Variants in FHL1 observed in about 807,000 individuals in gnomAD.
The protein encoded by FHL1 is four and a half LIM domains protein 1.
A neutral mutation model predicts 20.3 loss-of-function variants in FHL1; 1 was observed. That is an observed-to-expected ratio of 0.05 (90% CI 0.02 to 0.23). FHL1 has a LOEUF of 0.23. FHL1 is among the 10% of genes least tolerant of loss of function. The pLI is 1.00. For synonymous variants in FHL1, 82 were observed against 88.9 expected, an observed-to-expected ratio of 0.92 and a Z score of 0.44; for missense variants, 177 against 234.0, an observed-to-expected ratio of 0.76 and a Z score of 1.59.
upstream of FHL1, among the ~76,000 whole-genome samples, chrX:136,194,387 A>C (rs1300715151): frequency 8.9e-6 from 1 of 112,131 alleles, no homozygotes. Context: ...ACCCAATAAT[A>C]GGTCATAATG....
chrX:136,163,996 G>A (rs1178300346), intron 1 of FHL1, among the ~76,000 whole-genome samples: 1 of 111,859 alleles, frequency 8.9e-6, no homozygotes, highest in Non-Finnish European at 1.9e-5. Flanking sequence ...GGGAGCTGCT[G>A]TAATAGTCAT....
At chrX:136,188,006 C>T (rs955797569) in intron 2 of FHL1, among the ~76,000 whole-genome samples, 1 of 111,691 alleles carries the variant, frequency 9.0e-6, no homozygotes, top group Non-Finnish European at 1.9e-5. Flanking sequence ...CATAGCAAAA[C>T]AACTTGAAGT....
intron 1 of FHL1, among the ~76,000 whole-genome samples, chrX:136,198,316 C>T (rs2073613271): frequency 9.0e-6 from 1 of 111,659 alleles, no homozygotes; most frequent in Admixed American, 9.5e-5. Context: ...GAATAACTCT[C>T]ATTTTGTTTA....
At chrX:136,163,609 G>A (rs899719256) in intron 1 of FHL1, among the ~76,000 whole-genome samples, 2 of 111,796 alleles carry the variant, frequency 1.8e-5, no homozygotes, top group Admixed American at 1.9e-4. Context: ...AATGGGCAGG[G>A]TTTGGCGATG....
intron 1 of FHL1, among the ~76,000 whole-genome samples, chrX:136,198,975 T>C (rs957582281): frequency 1.8e-5 from 2 of 111,437 alleles, no homozygotes; most frequent in Non-Finnish European, 3.8e-5. Context: ...TCCAACTGGA[T>C]TGGCTTCTTA....
chrX:136,178,949 G>T (rs1034975725), intron 2 of FHL1, among the ~76,000 whole-genome samples: 3 of 110,573 alleles, frequency 2.7e-5, no homozygotes, highest in African/African-American at 9.9e-5. Flanking sequence ...TAGAGACGGG[G>T]TTTCACCATG....
In FHL1 at chrX:136,206,563, G is replaced by A. The variant is rs11557264; in HGVS notation, c.179G>A (p.Arg60His). 10 of 1,211,500 alleles carry A rather than the reference G, an allele frequency of 8.3e-6. No individual in the cohort carries two copies. Among genetic ancestry groups the A allele is most frequent in the African/African-American group, 6.9e-5 (4 of 57,642 alleles). Residue 60 changes from arginine to histidine, a missense_variant, in exon 2 of 6, where the codon CGC (arginine) becomes CAC (histidine). By Grantham distance (29) the Arg-to-His change is conservative (BLOSUM62 0). Transcript: ENST00000370683. ...KFCANTCVEC[R>H]KPIGADSKEV... is the part of the protein sequence containing the mutation. ...TGTGCCAACACCTGTGTGGAATGCC[G>A]CAAGCCCATCGGTGCGGACTCCAAG...
intron 2 of FHL1, among the ~76,000 whole-genome samples, chrX:136,178,353 G>T (rs958628678): frequency 8.9e-6 from 1 of 111,932 alleles, no homozygotes; most frequent in African/African-American, 3.2e-5. Context: ...TCATTGTCTT[G>T]TCTTATCAGC....
chrX:136,204,102 G>T (rs2073781916), intron 1 of FHL1, among the ~76,000 whole-genome samples: 1 of 112,660 alleles, frequency 8.9e-6, no homozygotes, highest in South Asian at 3.6e-4. Flanking sequence ...AACCAGCAAT[G>T]GTTACTAGCC....
intron 1 of FHL1, among the ~76,000 whole-genome samples, chrX:136,153,144 A>G (rs780909126): frequency 5.4e-5 from 6 of 111,443 alleles, no homozygotes; most frequent in Admixed American, 2.9e-4. Flanking sequence ...TGTGTTTTTC[A>G]TATGGGGTTG....
At chrX:136,208,067 T>C in intron 4 of FHL1, 106 bp downstream of exon 4, 1 of 955,075 alleles carries the variant, frequency 1.0e-6, no homozygotes, top group East Asian at 3.1e-5. Context: ...ACGACAGCCC[T>C]GTGACGTAGG....
At chrX:136,194,456 C>T (rs762618146), upstream of FHL1, among the ~76,000 whole-genome samples, 37 of 110,481 alleles carry the variant, frequency 3.3e-4, no homozygotes, top group African/African-American at 1.2e-3. Context: ...AAATGATTCG[C>T]AGAGGGTCAC....
At chrX:136,168,898 C>T (rs2072782894), upstream of FHL1, among the ~76,000 whole-genome samples, 1 of 111,357 alleles carries the variant, frequency 9.0e-6, no homozygotes, top group Non-Finnish European at 1.9e-5. Flanking sequence ...TGGTTGTAAT[C>T]CTTGGTTTAT....
intron 1 of FHL1, 105 bp from the exon 2 acceptor site, chrX:136,206,302 C>T: frequency 5.9e-6 from 6 of 1,017,560 alleles, no homozygotes; most frequent in Admixed American, 4.4e-5. Flanking sequence ...GGTCCTCAGA[C>T]CCCATGGACT....
At chrX:136,208,019 G>A (rs977474606) in intron 4 of FHL1, 58 bp downstream of exon 4, 10 of 1,138,520 alleles carry the variant, frequency 8.8e-6, no homozygotes, top group Non-Finnish European at 1.2e-5. Flanking sequence ...TTGACAGTTT[G>A]CAGAGCACTT....
chrX:136,181,167 C>G (rs1466047853), intron 2 of FHL1, among the ~76,000 whole-genome samples: 2 of 112,539 alleles, frequency 1.8e-5, no homozygotes. Flanking sequence ...ACAAAAGGTC[C>G]ACAGCAGGAC....
At chrX:136,174,386 G>T (rs2072948191) in intron 2 of FHL1, among the ~76,000 whole-genome samples, 1 of 111,586 alleles carries the variant, frequency 9.0e-6, no homozygotes, top group African/African-American at 3.3e-5. Context: ...CTACTTTGGT[G>T]CTTCTCACAC....
chrX:136,203,497 G>C (rs1216693825), intron 1 of FHL1, among the ~76,000 whole-genome samples: 1 of 111,933 alleles, frequency 8.9e-6, no homozygotes, highest in African/African-American at 3.2e-5. Context: ...CTTTTGCTTG[G>C]TTTAAGACCA....
At chrX:136,209,435 G>C (rs758814784) in intron 5 of FHL1, 1 of 1,210,514 alleles carries the variant, frequency 8.3e-7, no homozygotes, top group East Asian at 3.0e-5. Flanking sequence ...GCAGCTCCTC[G>C]AGGCCCGGTA....
Sources: allele counts gnomAD v4.1 joint callset (sites outside exome capture counted in the v4.1 genomes callset), GRCh38; gene constraint gnomAD v4.1.1; transcripts MANE v1.5; gene names NCBI Gene and HGNC (gene_info 2026-07-23, HGNC 2026-07-21).